Variants in CHL1 observed in about 807,000 individuals in gnomAD.
CHL1 encodes cell adhesion molecule L1 like, also known as neural cell adhesion molecule L1-like protein.
In CHL1, 96 loss-of-function variants were observed where a neutral mutation model predicts 141.9. The observed-to-expected ratio is 0.68, with a 90% CI of 0.57 to 0.80. CHL1 has a LOEUF of 0.80. Among genes scored for constraint, CHL1 ranks in the 30% least tolerant of loss-of-function variants. CHL1 has a pLI of 0.00. For missense variants in CHL1, 1,820 were observed against 1,457.2 expected, an observed-to-expected ratio of 1.25 and a Z score of -4.05; for synonymous variants, 613 against 502.2, an observed-to-expected ratio of 1.22 and a Z score of -2.95.
In CHL1 at chr3:377,802, A is replaced by G. The variant is rs747120138; in HGVS notation, c.1752-16A>G. The G allele has an allele frequency of 9.4e-6, 15 of 1,591,364 alleles. No homozygotes were observed. The South Asian group carries it at 1.5e-4, about 16-fold the overall frequency. Reference sequence around the variant, plus strand: ...TTGTTTTCCTTCTCATCATGTACTCACTTTTTTTCTGATAGGATAATTATT... The same window carrying G: ...TTGTTTTCCTTCTCATCATGTACTCGCTTTTTTTCTGATAGGATAATTATT... On this transcript the variant is annotated splice_polypyrimidine_tract_variant and intron_variant, in intron 15 of 27. Transcript: ENST00000256509.
intron 1 of CHL1, among the ~76,000 whole-genome samples, chr3:237,964 G>C (rs1039050603): frequency 1.3e-5 from 2 of 152,144 alleles, no homozygotes; most frequent in South Asian, 2.1e-4. Context: ...ATAAGGTTTT[G>C]CTGATAAATA....
At chr3:197,702 G>A in intron 1 of CHL1, 1 of 428,400 alleles carries the variant, frequency 2.3e-6, no homozygotes, top group Non-Finnish European at 4.7e-6. Context: ...GGGTTGGGGA[G>A]CACGAAAACC....
chr3:198,061 G>T, intron 1 of CHL1: 2 of 299,638 alleles, frequency 6.7e-6, no homozygotes, highest in South Asian at 2.7e-5. Flanking sequence ...GAAAAACCAC[G>T]GGCCGGAGGA....
At chr3:304,278 C>G (rs4685557) in intron 2 of CHL1, among the ~76,000 whole-genome samples, 47,670 of 152,052 alleles carry the variant, frequency 0.31, 7,883 homozygotes, top group Middle Eastern at 0.46. Context: ...GGAGGATTCC[C>G]TCTTTTCCTG....
chr3:207,169 C>A (rs1699515803), intron 1 of CHL1, among the ~76,000 whole-genome samples: 1 of 152,172 alleles, frequency 6.6e-6, no homozygotes, highest in Admixed American at 6.5e-5. Flanking sequence ...TATTTACAAG[C>A]AAATGTTCAT....
At chr3:354,884 A>T in intron 11 of CHL1, 113 bp downstream of exon 11, 1 of 1,298,146 alleles carries the variant, frequency 7.7e-7, no homozygotes. Flanking sequence ...AGCAGGACAG[A>T]TACAACCAGC....
Position 303,400 on chromosome 3 carries a change from C to T in CHL1, c.-94-16283C>T, listed in dbSNP as rs149731146. 3.7e-3 allele frequency among the ~76,000 whole-genome samples: 555 copies of T among 151,910 alleles called. 8 individuals carry two copies. Among genetic ancestry groups the T allele is most frequent in the African/African-American group, 0.013 (529 of 41,498 alleles). ...GCATGGAATGCTTTTCTATTTGTGTCTTCTCTTGTTTCCTTGAGCAGTGGT... is the reference window on the plus strand; with the variant it reads ...GCATGGAATGCTTTTCTATTTGTGTTTTCTCTTGTTTCCTTGAGCAGTGGT... On this transcript the variant is annotated intron_variant, in intron 2 of 27. Transcript: ENST00000256509.
In CHL1 at chr3:289,821, A is replaced by G. The variant is rs1697508709; in HGVS notation, c.-94-29862A>G. On this transcript the variant is annotated intron_variant, in intron 2 of 27. Coordinates refer to ENST00000256509, the MANE Select transcript of CHL1 (RefSeq NM_006614.4). The stretch of plus-strand genomic sequence containing the variant: ...TTTAATACATATTGTATGCTCATTA[A>G]TACATTTACTTAATACATATTGATG... Among the ~76,000 whole-genome samples, 3 of 151,870 alleles carry G rather than the reference A, an allele frequency of 2.0e-5. No individual in the cohort carries two copies. The South Asian group carries it at 6.2e-4, about 31-fold the overall frequency.
rs185850109 is a variant in CHL1, at chr3:374,800, T to C, written c.1752-3018T>C. On this transcript the variant is annotated intron_variant, in intron 15 of 27. Transcript: ENST00000256509. ...GTAGAAGTCACAGGTATCTGCTAAT[T>C]TTCTACAAAGCCATATCAGTAACCT... is the stretch of plus-strand genomic sequence containing the variant. Among the ~76,000 whole-genome samples, 88 of 152,302 alleles carry C rather than the reference T, an allele frequency of 5.8e-4. 1 individual carries two copies. Among genetic ancestry groups the C allele is most frequent in the African/African-American group, 1.9e-3 (81 of 41,564 alleles).
Position 301,571 on chromosome 3 carries a change from G to A in CHL1, c.-94-18112G>A, listed in dbSNP as rs115769295. Among the ~76,000 whole-genome samples, 245 of 152,290 alleles carry A rather than the reference G, an allele frequency of 1.6e-3. 2 individuals carry two copies. Among genetic ancestry groups the A allele is most frequent in the African/African-American group, 5.7e-3 (238 of 41,580 alleles). ...AGAGAAGGTATTCTTTTGCAATTGT[G>A]TAGCTCTTTGTTGAGATTCAGCATT... On this transcript the variant is annotated intron_variant, in intron 2 of 27. Transcript: ENST00000256509.
At chr3:268,032 C>T (rs1413889872) in intron 2 of CHL1, among the ~76,000 whole-genome samples, 2 of 152,162 alleles carry the variant, frequency 1.3e-5, no homozygotes, top group African/African-American at 4.8e-5. Context: ...TTATTTACTT[C>T]ACATTTGTTG....
In CHL1 at chr3:327,188, A is replaced by G. The variant is rs546834149; in HGVS notation, c.198-979A>G. On this transcript the variant is annotated intron_variant, in intron 4 of 27. Transcript: ENST00000256509. Reference sequence around the variant, plus strand: ...CTACTCCTAATGAGAATACATGTCCATTGAAGGTTTGTTATTCCTGTTGGA... The same window carrying G: ...CTACTCCTAATGAGAATACATGTCCGTTGAAGGTTTGTTATTCCTGTTGGA... Among the ~76,000 whole-genome samples the G allele has an allele frequency of 3.3e-5, 5 of 152,100 alleles. No individual in the cohort carries two copies. The South Asian group carries it at 6.2e-4, about 19-fold the overall frequency.
At chr3:379,405 G>T (rs1706747083) in intron 16 of CHL1, among the ~76,000 whole-genome samples, 1 of 152,082 alleles carries the variant, frequency 6.6e-6, no homozygotes, top group African/African-American at 2.4e-5. Context: ...GCATTTTCAG[G>T]TCTTTACAAG....
intron 14 of CHL1, chr3:363,657 A>T (rs1704518369): frequency 4.0e-6 from 1 of 252,412 alleles, no homozygotes; most frequent in African/African-American, 2.2e-5. Flanking sequence ...CCTATTAACC[A>T]TACTACACCA....
rs114533442 is a variant in CHL1 at position 199,185 on chromosome 3, T to A, written c.-175+2122T>A. Among the ~76,000 whole-genome samples, 327 of 152,350 alleles carry A rather than the reference T, an allele frequency of 2.1e-3. 1 individual carries two copies. The highest frequency in any genetic ancestry group is 7.2e-3 in the African/African-American group (299 of 41,572). On this transcript the variant is annotated intron_variant, in intron 1 of 27. Transcript: ENST00000256509. ...GCTGCAGTGGATTTACCTTTAGTAA[T>A]GGCAGAACGTAGTGTATAATCATTC...
intron 15 of CHL1, chr3:373,527 C>G (rs1023493089): frequency 6.6e-6 from 1 of 152,512 alleles, no homozygotes; most frequent in Non-Finnish European, 1.5e-5. Context: ...TGCCTCTCCC[C>G]CACCCAGGGA....
intron 2 of CHL1, among the ~76,000 whole-genome samples, chr3:298,867 A>G (rs1162005280): frequency 2.0e-5 from 3 of 152,222 alleles, no homozygotes; most frequent in Non-Finnish European, 4.4e-5. Flanking sequence ...CACAAAATCA[A>G]CACCAGAGAT....
rs371307281 is a variant in CHL1 at position 378,006 on chromosome 3, C to T, written c.1876+64C>T. ...CATTTCTGATTAAATCCCATCGTTCCTGGCCAATAAAGCTAATGATTCTTT... is the reference window on the plus strand; with the variant it reads ...CATTTCTGATTAAATCCCATCGTTCTTGGCCAATAAAGCTAATGATTCTTT... On this transcript the variant is annotated intron_variant, in intron 16 of 27. Transcript: ENST00000256509. 1.3e-5 allele frequency: 19 copies of T among 1,429,272 alleles called. No homozygotes were observed. The East Asian group carries it at 3.7e-4, about 28-fold the overall frequency. The allele number at this position is 1,429,272 out of a possible 1,614,324, so 88.5% of individuals were successfully genotyped here. A position where few individuals can be genotyped will look rare whatever the true frequency, so the allele number is the denominator to read the frequency against.
chr3:278,289 T>C lies in CHL1; in HGVS notation c.-95+33597T>C, dbSNP rs554663888. 5.9e-5 allele frequency among the ~76,000 whole-genome samples: 9 copies of C among 152,362 alleles called. No individual in the cohort carries two copies. The South Asian group carries it at 1.7e-3, about 28-fold the overall frequency. On this transcript the variant is annotated intron_variant, in intron 2 of 27. Transcript: ENST00000256509. ...ACATTCTCTTTGGGGTCGGTTTTCC[T>C]TGTGGCCCATAGGAGATCCCACTGA...
Sources: allele counts gnomAD v4.1 joint callset (sites outside exome capture counted in the v4.1 genomes callset), GRCh38; gene constraint gnomAD v4.1.1; transcripts MANE v1.5; gene names NCBI Gene and HGNC (gene_info 2026-07-23, HGNC 2026-07-21).